Variants in GSTCD observed in about 807,000 individuals in gnomAD.
GSTCD encodes the protein glutathione S-transferase C-terminal domain containing, also known as glutathione S-transferase C-terminal domain-containing protein.
Under a neutral mutation model 68.3 loss-of-function variants are expected in GSTCD, and 44 were observed. That is an observed-to-expected ratio of 0.64 (90% CI 0.51 to 0.83). The LOEUF (loss-of-function observed/expected upper bound fraction) is 0.83, where lower values mean the gene tolerates loss of function less well. Among genes scored for constraint, GSTCD ranks in the 40% least tolerant of loss-of-function variants. GSTCD has a pLI of 0.00. For synonymous variants in GSTCD, 273 were observed against 255.2 expected (o/e 1.07, Z -0.67); for missense variants, 739 against 735.9 (o/e 1.00, Z -0.05).
At chr4:105,746,682 C>T (rs75727901) in intron 5 of GSTCD, among the ~76,000 whole-genome samples, 1,558 of 152,064 alleles carry the variant, frequency 0.01, 33 homozygotes, top group African/African-American at 0.035. Flanking sequence ...TCTTATCAAC[C>T]TTTATGTGTA....
chr4:105,814,985 C>T (rs1055739305), intron 5 of GSTCD, among the ~76,000 whole-genome samples: 2 of 152,190 alleles, frequency 1.3e-5, no homozygotes, highest in Non-Finnish European at 2.9e-5. Context: ...AGTTTAATAA[C>T]CATTCTCTAT....
chr4:105,812,304 C>T (rs1454586892), intron 5 of GSTCD, among the ~76,000 whole-genome samples: 4 of 152,042 alleles, frequency 2.6e-5, no homozygotes, highest in Non-Finnish European at 5.9e-5. Flanking sequence ...GTTATTTGGT[C>T]GGTTGGTTTT....
rs1041847568 is a variant in GSTCD at position 105,730,568 on chromosome 4, C to T, written c.1240+1069C>T. 5.1e-4 allele frequency among the ~76,000 whole-genome samples: 77 copies of T among 152,192 alleles called. 1 individual carries two copies. The highest frequency in any genetic ancestry group is 6.8e-3 in the Middle Eastern group (2 of 294). ...TTGAGAAGTGTCTGTTCATATCCTT[C>T]GCCCACTTTTTGATGGGCTTGTTTG... is the stretch of plus-strand genomic sequence containing the variant. On this transcript the variant is annotated intron_variant, in intron 5 of 11. Transcript: ENST00000515279.
At chr4:105,729,383 A>T (rs759751376) in intron 4 of GSTCD, 23 bp from the exon 5 acceptor site, 6 of 1,461,910 alleles carry the variant, frequency 4.1e-6, no homozygotes, top group Non-Finnish European at 5.7e-6. Flanking sequence ...CTTAATTTAG[A>T]AAGAGGCTAT....
chr4:105,785,846 G>A (rs1371591933), intron 5 of GSTCD, among the ~76,000 whole-genome samples: 4 of 152,066 alleles, frequency 2.6e-5, no homozygotes, highest in Non-Finnish European at 5.9e-5. Flanking sequence ...CTTCTATACA[G>A]AAAATCCTAA....
chr4:105,796,442 AT>A (rs573471595), intron 5 of GSTCD, among the ~76,000 whole-genome samples: 254 of 152,136 alleles, frequency 1.7e-3, no homozygotes, highest in African/African-American at 5.8e-3. Flanking sequence ...TCTTATTTCC[AT>A]TTTTTGTCAT....
At chr4:105,808,621 A>G (rs999422248) in intron 5 of GSTCD, among the ~76,000 whole-genome samples, 3 of 152,060 alleles carry the variant, frequency 2.0e-5, no homozygotes, top group African/African-American at 7.2e-5. Flanking sequence ...TACTTCTTTG[A>G]TCTTCTCTTC....
chr4:105,768,937 T>C (rs1184476489), intron 5 of GSTCD, among the ~76,000 whole-genome samples: 3 of 151,890 alleles, frequency 2.0e-5, no homozygotes, highest in Admixed American at 2.0e-4. Flanking sequence ...ATATAAGCTA[T>C]TCAACAAGTG....
chr4:105,740,552 G>A (rs1733600573), intron 5 of GSTCD, among the ~76,000 whole-genome samples: 1 of 152,090 alleles, frequency 6.6e-6, no homozygotes, highest in Non-Finnish European at 1.5e-5. Context: ...TGTTTTTGTG[G>A]TGGGGGCGTG....
chr4:105,718,978 T>A (rs1390188716), intron 2 of GSTCD, 82 bp from the exon 3 acceptor site: 2 of 1,090,432 alleles, frequency 1.8e-6, no homozygotes, highest in Non-Finnish European at 2.6e-6. Context: ...AAAACTTATT[T>A]CCCAATAAGA....
chr4:105,763,119 A>C (rs1015999590), intron 5 of GSTCD, among the ~76,000 whole-genome samples: 2 of 152,182 alleles, frequency 1.3e-5, no homozygotes, highest in African/African-American at 2.4e-5. Context: ...TCAACTTGGA[A>C]ATTTCACATA....
At chr4:105,731,790 TC>T (rs1344828625) in intron 5 of GSTCD, among the ~76,000 whole-genome samples, 1 of 152,192 alleles carries the variant, frequency 6.6e-6, no homozygotes, top group Non-Finnish European at 1.5e-5. Context: ...AGGGAATGCT[TC>T]CAGTTTTTGC....
intron 5 of GSTCD, among the ~76,000 whole-genome samples, chr4:105,755,354 G>A (rs2149230718): frequency 6.6e-6 from 1 of 152,070 alleles, no homozygotes; most frequent in East Asian, 1.9e-4. Context: ...AGGAGGGAAG[G>A]GAGGGAGCTC....
intron 11 of GSTCD, among the ~76,000 whole-genome samples, chr4:105,844,432 G>A (rs538513559): frequency 1.3e-5 from 2 of 152,240 alleles, no homozygotes; most frequent in African/African-American, 4.8e-5. Flanking sequence ...TTTTAAATGT[G>A]AGTCTCTCAT....
chr4:105,739,876 G>T (rs917332328), intron 5 of GSTCD, among the ~76,000 whole-genome samples: 1 of 152,090 alleles, frequency 6.6e-6, no homozygotes, highest in Non-Finnish European at 1.5e-5. Flanking sequence ...GAACGGTTCT[G>T]CCAGAACACC....
intron 9 of GSTCD, among the ~76,000 whole-genome samples, chr4:105,836,902 T>G (rs563171684): frequency 6.6e-6 from 1 of 152,226 alleles, no homozygotes. Context: ...GTTTCTATAG[T>G]ACGTGGAAAG....
Position 105,834,595 on chromosome 4 carries a change from G to A in GSTCD, c.1664+1G>A, listed in dbSNP as rs778762516. Reference sequence around the variant, plus strand: ...CCTCAAAGTTCAATTTTCCAAAAAGGTGAGAAATTCAGTGTTCTACATAAG... The same window carrying A: ...CCTCAAAGTTCAATTTTCCAAAAAGATGAGAAATTCAGTGTTCTACATAAG... On this transcript the variant is annotated splice_donor_variant, in intron 9 of 11. Transcript: ENST00000515279. LOFTEE classifies it high-confidence loss of function. 2 of 1,613,662 alleles carry A rather than the reference G, an allele frequency of 1.2e-6. No homozygotes were observed. The highest frequency in any genetic ancestry group is 1.7e-6 in the Non-Finnish European group (2 of 1,179,796).
chr4:105,780,121 A>G (rs989233481), intron 5 of GSTCD, among the ~76,000 whole-genome samples: 13 of 152,218 alleles, frequency 8.5e-5, no homozygotes, highest in African/African-American at 3.1e-4. Flanking sequence ...AACAAGAGGA[A>G]CACAAAATGT....
intron 5 of GSTCD, among the ~76,000 whole-genome samples, chr4:105,782,839 AT>A (rs1303206532): frequency 1.3e-5 from 2 of 152,092 alleles, no homozygotes; most frequent in African/African-American, 4.8e-5. Context: ...TTTTGTCTTA[AT>A]TCATATGTAG....
Sources: gnomAD v4.1 joint callset for allele counts (sites outside exome capture counted in the v4.1 genomes callset) on GRCh38, gnomAD v4.1.1 for gene constraint, MANE v1.5 for transcripts, NCBI Gene and HGNC (gene_info 2026-07-23, HGNC 2026-07-21) for gene names.